Variants in DTNBP1 observed in about 807,000 individuals in gnomAD.
DTNBP1 encodes the protein dysbindin.
DTNBP1 carries 35 observed loss-of-function variants against 42.8 expected under a neutral mutation model. The observed-to-expected ratio is 0.82, with a 90% confidence interval of 0.63 to 1.09. The LOEUF is 1.09. DTNBP1 is among the 50% of genes least tolerant of loss of function. The pLI, the probability that DTNBP1 is intolerant of heterozygous loss-of-function variation, is 0.00. For synonymous variants in DTNBP1, 171 were observed against 162.2 expected, an observed-to-expected ratio of 1.05 and a Z score of -0.41; for missense variants, 457 against 424.2, an observed-to-expected ratio of 1.08 and a Z score of -0.68.
At chr6:15,542,824 C>T (rs181640345) in intron 7 of DTNBP1, among the ~76,000 whole-genome samples, 1 of 151,982 alleles carries the variant, frequency 6.6e-6, no homozygotes, top group East Asian at 1.9e-4. Flanking sequence ...CCCGAGTAGC[C>T]GAGTAGCTAA....
intron 4 of DTNBP1, among the ~76,000 whole-genome samples, chr6:15,633,162 C>G (rs559630952): frequency 6.6e-6 from 1 of 152,330 alleles, no homozygotes; most frequent in East Asian, 1.9e-4. Context: ...TTACTGCACA[C>G]AAGCAACTGT....
intron 7 of DTNBP1, among the ~76,000 whole-genome samples, chr6:15,567,457 GAAACAAACAAACAAACAAACAAAC>G (rs59351095): frequency 1.3e-5 from 2 of 149,968 alleles, no homozygotes; most frequent in Non-Finnish European, 1.5e-5. Flanking sequence ...TGTCTCTCGG[GAAACAAACAAACAAACAAACAAAC>G]AAACAAACAA....
At chr6:15,650,324 G>A (rs544473395) in intron 3 of DTNBP1, among the ~76,000 whole-genome samples, 1 of 152,140 alleles carries the variant, frequency 6.6e-6, no homozygotes, top group Non-Finnish European at 1.5e-5. Flanking sequence ...CCAGGCTGGA[G>A]TGCACTGGCA....
chr6:15,563,695 C>T (rs1284332430), intron 7 of DTNBP1, among the ~76,000 whole-genome samples: 2 of 152,166 alleles, frequency 1.3e-5, no homozygotes, highest in East Asian at 3.9e-4. Context: ...CTCTCTGTCC[C>T]ATGACTTCAC....
Position 15,523,099 on chromosome 6 carries a change from C to T in DTNBP1, c.932G>A (p.Ser311Asn), listed in dbSNP as rs781222579. Residue 311 changes from serine to asparagine, a missense_variant, in exon 10 of 10, where the codon AGT becomes AAT. Coordinates refer to ENST00000344537, the MANE Select transcript of DTNBP1 (RefSeq NM_032122.5). ...TCTDSATRDI[S>N]EGGESPVVQS... ...AACAACGGGGGACTCCCCACCCTCA[C>T]TGATGTCCCGGGTGGCCGAGTCGGT... The T allele has an allele frequency of 1.2e-6, 2 of 1,614,260 alleles. No homozygotes were observed. The highest frequency in any genetic ancestry group is 8.5e-7 in the Non-Finnish European group (1 of 1,180,052).
At chr6:15,568,624 C>T (rs1262054461) in intron 7 of DTNBP1, among the ~76,000 whole-genome samples, 4 of 152,016 alleles carry the variant, frequency 2.6e-5, no homozygotes, top group Non-Finnish European at 5.9e-5. Context: ...CCTTTGCCAC[C>T]CCTGAGTCAG....
intron 9 of DTNBP1, chr6:15,524,062 G>A: frequency 7.7e-7 from 1 of 1,303,316 alleles, no homozygotes; most frequent in Non-Finnish European, 1.0e-6. Context: ...AGGAACTGAA[G>A]TGCAACTAAG....
intron 8 of DTNBP1, among the ~76,000 whole-genome samples, chr6:15,531,048 CCAAGAGATAGCAGA>C (rs897470102): frequency 5.4e-4 from 82 of 152,188 alleles, no homozygotes; most frequent in African/African-American, 2.0e-3. Flanking sequence ...AGCCCTAATA[CCAAGAGATAGCAGA>C]GAGCTCCACC....
At chr6:15,614,458 A>T (rs1002453620) in intron 6 of DTNBP1, among the ~76,000 whole-genome samples, 3 of 152,078 alleles carry the variant, frequency 2.0e-5, no homozygotes, top group African/African-American at 7.2e-5. Flanking sequence ...CCAACTAGCA[A>T]AGCCCGCCTC....
At chr6:15,625,292 ACT>A (rs1213003201) in intron 5 of DTNBP1, among the ~76,000 whole-genome samples, 6 of 152,270 alleles carry the variant, frequency 3.9e-5, no homozygotes, top group African/African-American at 1.4e-4. Context: ...AACTGAACTA[ACT>A]CTCTAAAAAG....
intron 7 of DTNBP1, among the ~76,000 whole-genome samples, chr6:15,578,992 T>C (rs1211726182): frequency 6.6e-6 from 1 of 152,108 alleles, no homozygotes; most frequent in African/African-American, 2.4e-5. Flanking sequence ...AGTATGGAGG[T>C]GCCCCCAAAA....
chr6:15,588,498 C>T (rs1408480536), intron 7 of DTNBP1, among the ~76,000 whole-genome samples: 1 of 152,166 alleles, frequency 6.6e-6, no homozygotes, highest in Non-Finnish European at 1.5e-5. Context: ...AGAAAATTGA[C>T]ATTTAAAAGG....
At chr6:15,526,167 C>CA (rs1561934160) in intron 8 of DTNBP1, among the ~76,000 whole-genome samples, 1 of 152,160 alleles carries the variant, frequency 6.6e-6, no homozygotes. Flanking sequence ...AGGAGAAAAG[C>CA]AGAGACCAAG....
chr6:15,653,622 A>G (rs1376498067), intron 1 of DTNBP1, among the ~76,000 whole-genome samples: 2 of 152,192 alleles, frequency 1.3e-5, no homozygotes, highest in African/African-American at 2.4e-5. Flanking sequence ...GTTTTACTTT[A>G]TTTTGGCTGT....
At chr6:15,562,035 G>A (rs1581325624) in intron 7 of DTNBP1, among the ~76,000 whole-genome samples, 1 of 152,178 alleles carries the variant, frequency 6.6e-6, no homozygotes, top group East Asian at 1.9e-4. Flanking sequence ...TCAGTTCCAG[G>A]AAATCCCAAC....
intron 7 of DTNBP1, among the ~76,000 whole-genome samples, chr6:15,543,976 T>G (rs982996912): frequency 6.6e-6 from 1 of 152,180 alleles, no homozygotes; most frequent in Non-Finnish European, 1.5e-5. Flanking sequence ...CATTGTTCCA[T>G]CCACAAGATA....
At chr6:15,547,273 C>A (rs1561950790) in intron 7 of DTNBP1, among the ~76,000 whole-genome samples, 1 of 152,174 alleles carries the variant, frequency 6.6e-6, no homozygotes, top group Non-Finnish European at 1.5e-5. Flanking sequence ...TGGTTCTCCA[C>A]ATTTGGCAGC....
chr6:15,623,701 T>C (rs899124215), intron 5 of DTNBP1, among the ~76,000 whole-genome samples: 8 of 152,218 alleles, frequency 5.3e-5, no homozygotes, highest in African/African-American at 1.7e-4. Flanking sequence ...AATAAAGGAA[T>C]AGGATTATAC....
intron 7 of DTNBP1, among the ~76,000 whole-genome samples, chr6:15,549,489 A>AT (rs200396295): frequency 4.3e-5 from 5 of 117,160 alleles, no homozygotes; most frequent in East Asian, 5.3e-4. Context: ...TGTCTCAGGG[A>AT]TTAAAAAAAA....
Sources: gnomAD v4.1 joint callset for allele counts (sites outside exome capture counted in the v4.1 genomes callset) on GRCh38, gnomAD v4.1.1 for gene constraint, MANE v1.5 for transcripts, NCBI Gene and HGNC (gene_info 2026-07-23, HGNC 2026-07-21) for gene names.